Variants in ATXN1 observed in about 807,000 individuals in gnomAD.
ATXN1 encodes ataxin 1.
ATXN1 carries 8 observed loss-of-function variants against 56.4 expected under a neutral mutation model. The ratio of observed to expected loss-of-function variants is 0.14; its 90% confidence interval spans 0.08 to 0.26. ATXN1 has a LOEUF of 0.26. ATXN1 is among the 10% of genes least tolerant of loss of function. The pLI, the probability that ATXN1 is intolerant of heterozygous loss-of-function variation, is 1.00. For synonymous variants in ATXN1, 514 were observed against 494.6 expected, an observed-to-expected ratio of 1.04 and a Z score of -0.52; for missense variants, 987 against 1,106.5, an observed-to-expected ratio of 0.89 and a Z score of 1.53.
chr6:16,679,276 G>GATGGA (rs1758754731), intron 2 of ATXN1, among the ~76,000 whole-genome samples: 1 of 138,178 alleles, frequency 7.2e-6, no homozygotes, highest in Non-Finnish European at 1.5e-5. Context: ...GAGTTAGTGG[G>GATGGA]TGGATGGATG....
intron 4 of ATXN1, among the ~76,000 whole-genome samples, chr6:16,556,968 T>C (rs1447060515): frequency 6.6e-6 from 1 of 152,042 alleles, no homozygotes; most frequent in Non-Finnish European, 1.5e-5. Context: ...TATCCCATAT[T>C]TAAATAACAA....
At chr6:16,650,878 G>A (rs778855194) in intron 3 of ATXN1, among the ~76,000 whole-genome samples, 1 of 152,196 alleles carries the variant, frequency 6.6e-6, no homozygotes, top group Non-Finnish European at 1.5e-5. Flanking sequence ...TGTCAGAAAT[G>A]CCCTGAATCT....
intron 6 of ATXN1, among the ~76,000 whole-genome samples, chr6:16,484,409 G>A (rs147600346): frequency 2.6e-5 from 4 of 152,168 alleles, no homozygotes; most frequent in Non-Finnish European, 5.9e-5. Context: ...ACTCCAGCCT[G>A]GGTGACAGAG....
intron 3 of ATXN1, among the ~76,000 whole-genome samples, chr6:16,623,924 G>A (rs932697235): frequency 6.6e-6 from 1 of 152,196 alleles, no homozygotes; most frequent in Non-Finnish European, 1.5e-5. Flanking sequence ...GACAAATACT[G>A]TATGATTCAC....
chr6:16,525,243 T>A (rs1761368589), intron 4 of ATXN1, among the ~76,000 whole-genome samples: 2 of 152,206 alleles, frequency 1.3e-5, no homozygotes, highest in South Asian at 4.1e-4. Context: ...CAGCACTGTT[T>A]ACAATAGCTA....
At chr6:16,678,240 T>A (rs374679244) in intron 2 of ATXN1, among the ~76,000 whole-genome samples, 1 of 145,532 alleles carries the variant, frequency 6.9e-6, no homozygotes, top group Non-Finnish European at 1.5e-5. Context: ...TTTTTCATAA[T>A]CTGACTTCTT....
At chr6:16,636,172 G>A (rs1203282771) in intron 3 of ATXN1, among the ~76,000 whole-genome samples, 1 of 152,106 alleles carries the variant, frequency 6.6e-6, no homozygotes, top group Non-Finnish European at 1.5e-5. Context: ...AATGCAAAAT[G>A]TCACAGCTGA....
At chr6:16,516,130 C>G (rs1303624945) in intron 5 of ATXN1, among the ~76,000 whole-genome samples, 1 of 152,214 alleles carries the variant, frequency 6.6e-6, no homozygotes, top group Non-Finnish European at 1.5e-5. Flanking sequence ...TGTCCCATCA[C>G]CATAGCTAAT....
At chr6:16,398,374 C>T (rs748577376) in intron 6 of ATXN1, among the ~76,000 whole-genome samples, 1 of 152,096 alleles carries the variant, frequency 6.6e-6, no homozygotes, top group Non-Finnish European at 1.5e-5. Flanking sequence ...AAAGAGAAGC[C>T]TAAGGCATCT....
intron 4 of ATXN1, among the ~76,000 whole-genome samples, chr6:16,574,469 A>G (rs7767755): frequency 6.8e-4 from 103 of 152,040 alleles, no homozygotes; most frequent in African/African-American, 2.4e-3. Flanking sequence ...TCGGCCTCCC[A>G]AAGTGTTGGG....
chr6:16,394,973 T>C (rs1581733575), intron 6 of ATXN1, among the ~76,000 whole-genome samples: 2 of 152,344 alleles, frequency 1.3e-5, no homozygotes, highest in African/African-American at 2.4e-5. Context: ...GCGTTCAACA[T>C]AGCCAATGTT....
chr6:16,499,454 C>A (rs1760837504), intron 5 of ATXN1, among the ~76,000 whole-genome samples: 1 of 152,114 alleles, frequency 6.6e-6, no homozygotes, highest in Admixed American at 6.5e-5. Context: ...GAATGATGAC[C>A]CACCAGAGCC....
chr6:16,500,750 A>C (rs976916410), intron 5 of ATXN1, among the ~76,000 whole-genome samples: 4 of 151,276 alleles, frequency 2.6e-5, no homozygotes, highest in Non-Finnish European at 5.9e-5. Context: ...AAAAAAAAAA[A>C]AAAAAAAAAA....
rs191766113 is a variant in ATXN1, at chr6:16,614,274, C to T, written c.-488-28367G>A. On this transcript the variant is annotated intron_variant, in intron 3 of 7. Transcript: ENST00000436367. ...TACTATCAGAGGCTTCTGGAAATCC[C>T]CGCTTGATGGTACATGACTCTTTCT... Among the ~76,000 whole-genome samples the T allele has an allele frequency of 2.3e-3, 352 of 151,260 alleles. 3 individuals carry two copies. Among genetic ancestry groups the T allele is most frequent in the Middle Eastern group, 6.9e-3 (2 of 288 alleles).
chr6:16,523,490 A>T (rs1276337635), intron 4 of ATXN1, among the ~76,000 whole-genome samples: 2 of 152,248 alleles, frequency 1.3e-5, no homozygotes, highest in East Asian at 3.8e-4. Flanking sequence ...GACTACAGGC[A>T]TGTGCCACCA....
At chr6:16,537,987 C>T (rs1469281039) in intron 4 of ATXN1, among the ~76,000 whole-genome samples, 1 of 152,204 alleles carries the variant, frequency 6.6e-6, no homozygotes, top group Non-Finnish European at 1.5e-5. Context: ...CCTGTAATCT[C>T]AGCTACTTGG....
rs74322237 is a variant in ATXN1 at position 16,411,781 on chromosome 6, T to C, written c.-161+74191A>G. On this transcript the variant is annotated intron_variant, in intron 6 of 7. Transcript: ENST00000436367. The stretch of plus-strand genomic sequence containing the variant: ...TTGTTTCCAGTCATTCACAGCCCTG[T>C]TGAGATATACCTTCATGCCTAATTC... Among the ~76,000 whole-genome samples, 1,409 of 152,332 alleles carry C rather than the reference T, an allele frequency of 9.2e-3. 21 individuals are homozygous for C. Among genetic ancestry groups the C allele is most frequent in the African/African-American group, 0.032 (1,343 of 41,570 alleles).
chr6:16,597,165 G>A (rs1762830421), intron 3 of ATXN1, among the ~76,000 whole-genome samples: 1 of 152,216 alleles, frequency 6.6e-6, no homozygotes, highest in Non-Finnish European at 1.5e-5. Flanking sequence ...GAAGCATGGT[G>A]AGCAAATTAG....
Position 16,327,551 on chromosome 6 carries a change from G to C in ATXN1, c.760C>G (p.Pro254Ala). The change falls in exon 7 of 8, where the codon CCG becomes GCG. Residue 254 changes from proline (P) to alanine (A), a missense_variant. Pro to Ala is a conservative substitution (Grantham distance 27, BLOSUM62 -1). This residue lies in a region of ATXN1 where 723 missense variants were observed against 791.7 expected (regional missense o/e 0.91). Coordinates refer to ENST00000436367, the MANE Select transcript of ATXN1 (RefSeq NM_001128164.2). ...QNQYVHISSS[P>A]QNTGRTASPP... Reference sequence around the variant, plus strand: ...GAGGCGGTGCGGCCGGTGTTCTGCGGAGAACTGGAAATGTGGACGTACTGG... The same window carrying C: ...GAGGCGGTGCGGCCGGTGTTCTGCGCAGAACTGGAAATGTGGACGTACTGG... The C allele has an allele frequency of 1.2e-6, 2 of 1,607,990 alleles. No individual in the cohort carries two copies. The highest frequency in any genetic ancestry group is 1.7e-6 in the Non-Finnish European group (2 of 1,177,628).
Sources: allele counts gnomAD v4.1 joint callset (sites outside exome capture counted in the v4.1 genomes callset), GRCh38; gene constraint gnomAD v4.1.1; regional missense constraint gnomAD v4.1.1; transcripts MANE v1.5; gene names NCBI Gene and HGNC (gene_info 2026-07-23, HGNC 2026-07-21).